Variants in ATRIP observed in about 807,000 individuals in gnomAD.
ATRIP encodes the protein ATR interacting protein.
A neutral mutation model predicts 78.1 loss-of-function variants in ATRIP; 44 were observed. That is an observed-to-expected ratio of 0.56 (90% CI 0.44 to 0.72). ATRIP has a LOEUF of 0.72. Ranked by LOEUF, ATRIP falls within the 30% of genes least tolerant of loss-of-function variation. The pLI, the probability that ATRIP is intolerant of heterozygous loss-of-function variation, is 0.00. For missense variants in ATRIP, 927 were observed against 980.2 expected (o/e 0.95, Z 0.72); for synonymous variants, 388 against 408.9 (o/e 0.95, Z 0.62).
rs2040298814 is a variant in ATRIP, at chr3:48,466,421, C to G, written c.*867C>G. 1.2e-6 allele frequency: 2 copies of G among 1,607,840 alleles called. No individual in the cohort carries two copies. Among genetic ancestry groups the G allele is most frequent in the Non-Finnish European group, 1.7e-6 (2 of 1,176,282 alleles). ...GCCGAGTCATGTGAAGAGGGAGACC[C>G]TCTCAGACAGTCGAATGTGCTGGTC... On this transcript the variant is annotated 3_prime_UTR_variant, in exon 13 of 13. Transcript: ENST00000320211.
In ATRIP at chr3:48,458,531, T is replaced by C. The variant is rs138316186; in HGVS notation, c.830-828T>C. The stretch of plus-strand genomic sequence containing the variant: ...AGAGACAGGTTTCACCATGTTGGCC[T>C]GGATGGTCTCAATCTCATGACCTCG... On this transcript the variant is annotated intron_variant, in intron 5 of 12. Coordinates refer to ENST00000320211, the MANE Select transcript of ATRIP (RefSeq NM_130384.3). Among the ~76,000 whole-genome samples the C allele has an allele frequency of 5.6e-3, 859 of 152,216 alleles. 6 individuals are homozygous for C. Among genetic ancestry groups the C allele is most frequent in the African/African-American group, 0.02 (819 of 41,544 alleles).
intron 12 of ATRIP, among the ~76,000 whole-genome samples, 168 bp from the exon 13 acceptor site, chr3:48,465,319 G>A (rs959512118): frequency 2.0e-5 from 3 of 152,224 alleles, no homozygotes; most frequent in African/African-American, 4.8e-5. Flanking sequence ...AGAAATAGCC[G>A]TGTCTGAATT....
chr3:48,460,291 C>A lies in ATRIP; in HGVS notation c.1237C>A (p.Leu413Ile). 1.2e-6 allele frequency: 2 copies of A among 1,614,098 alleles called. No individual in the cohort carries two copies. The highest frequency in any genetic ancestry group is 2.2e-5 in the East Asian group (1 of 44,882). ...CAGAAGGGCCTTCCCACTCTGCCAG[C>A]TTCCTGGAGCCGTGCATTTCCTCCC... ...GGRRAFPLCQ[L>I]PGAVHFLPLV... The change falls in exon 8 of 13, where the codon CTT becomes ATT. Residue 413 changes from leucine to isoleucine, a missense_variant. Leu to Ile is a conservative substitution (Grantham distance 5). Coordinates refer to ENST00000320211, the MANE Select transcript of ATRIP (RefSeq NM_130384.3).
At chr3:48,458,141 G>A (rs767363685) in intron 5 of ATRIP, among the ~76,000 whole-genome samples, 2 of 148,410 alleles carry the variant, frequency 1.3e-5, no homozygotes, top group East Asian at 2.0e-4. Flanking sequence ...GCAATGGCAC[G>A]ATCTCAGCTC....
chr3:48,460,042 G>T lies in ATRIP; in HGVS notation c.1056-68G>T, dbSNP rs959675827. The T allele has an allele frequency of 3.9e-6, 6 of 1,550,826 alleles. No individual in the cohort carries two copies. The Admixed American group carries it at 9.8e-5, about 25-fold the overall frequency. On this transcript the variant is annotated intron_variant, in intron 7 of 12. Coordinates refer to ENST00000320211, the MANE Select transcript of ATRIP (RefSeq NM_130384.3). Reference sequence around the variant, plus strand: ...GCAGCCTGGAGAATTTGGCAGGCAGGCTGTTTGGGGCTCTTGACCTTATCT... The same window carrying T: ...GCAGCCTGGAGAATTTGGCAGGCAGTCTGTTTGGGGCTCTTGACCTTATCT...
In ATRIP at chr3:48,467,059, A is replaced by G. The variant is rs772150991; in HGVS notation, c.*1505A>G. The G allele has an allele frequency of 1.9e-6, 3 of 1,613,828 alleles. No individual in the cohort carries two copies. The highest frequency in any genetic ancestry group is 2.5e-6 in the Non-Finnish European group (3 of 1,180,030). On this transcript the variant is annotated 3_prime_UTR_variant, in exon 13 of 13. Transcript: ENST00000320211. The stretch of plus-strand genomic sequence containing the variant: ...GACCGCTACGACTTCCCCCTGCTCC[A>G]AGCAGAGCTGGCTATGCTGGGCCTC...
Position 48,465,536 on chromosome 3 carries a change from C to T in ATRIP, c.2358C>T (p.Pro786=), listed in dbSNP as rs762674869. 30 of 1,613,582 alleles carry T rather than the reference C, an allele frequency of 1.9e-5. No individual in the cohort carries two copies. The Admixed American group carries it at 2.0e-4, about 11-fold the overall frequency. Residue 786 remains proline (P), a synonymous_variant, in exon 13 of 13, where the codon CCC becomes CCT. Transcript: ENST00000320211. ...LCAAETDVED[P]EVECG is the part of the protein sequence containing the mutation. Reference sequence around the variant, plus strand: ...CCGCGGAAACCGATGTGGAAGACCCCGAGGTGGAGTGTGGCTGAGGCCCTG... The same window carrying T: ...CCGCGGAAACCGATGTGGAAGACCCTGAGGTGGAGTGTGGCTGAGGCCCTG...
At position 48,466,616 on chromosome 3, in the gene ATRIP, A is replaced by C. The variant is rs559708203; in HGVS notation, c.*1062A>C. 37 of 1,607,838 alleles carry C rather than the reference A, an allele frequency of 2.3e-5. No homozygotes were observed. The South Asian group carries it at 3.7e-4, about 16-fold the overall frequency. ...CACTGGGCACTCACACACCCACCCC[A>C]TGCTCCTCTCCAGGCTCAGCAGCAG... On this transcript the variant is annotated 3_prime_UTR_variant, in exon 13 of 13. Transcript: ENST00000320211.
At chr3:48,459,536 C>T (rs1193555624) in intron 6 of ATRIP, 82 bp downstream of exon 6, 13 of 1,394,586 alleles carry the variant, frequency 9.3e-6, no homozygotes, top group African/African-American at 5.7e-5. Context: ...CTCTGAGAAC[C>T]GGTGCCCCGG....
At chr3:48,465,409 TGGG>T in intron 12 of ATRIP, 75 bp from the exon 13 acceptor site, 1 of 1,429,772 alleles carries the variant, frequency 7.0e-7, no homozygotes, top group Non-Finnish European at 9.8e-7. Context: ...CTGCGGACGT[TGGG>T]GGAGGAGAGG....
Position 48,454,355 on chromosome 3 carries a change from G to A in ATRIP, c.608G>A (p.Arg203Lys). 1 of 1,613,792 alleles carries A rather than the reference G, an allele frequency of 6.2e-7. No homozygotes were observed. Among genetic ancestry groups the A allele is most frequent in the Middle Eastern group, 1.7e-4 (1 of 6,060 alleles). Residue 203 changes from arginine (R) to lysine (K), a missense_variant, in exon 4 of 13, where the codon AGG becomes AAG. Transcript: ENST00000320211. ...QFKDAEMNEL[R>K]TKLQTSERAN... is the part of the protein sequence containing the mutation. ...AAAGATGCAGAGATGAATGAATTAAGGACAAAGCTCCAGACCAGTGAACGA... is the reference window on the plus strand; with the variant it reads ...AAAGATGCAGAGATGAATGAATTAAAGACAAAGCTCCAGACCAGTGAACGA...
chr3:48,463,197 C>T (rs2040167623), intron 8 of ATRIP, among the ~76,000 whole-genome samples: 1 of 152,160 alleles, frequency 6.6e-6, no homozygotes. Flanking sequence ...CCCCTGAGAC[C>T]TGGGGCAGTA....
rs982096880 is a variant in ATRIP at position 48,463,798 on chromosome 3, T to C, written c.1799T>C (p.Leu600Pro). The C allele has an allele frequency of 3.1e-6, 5 of 1,614,202 alleles. No individual in the cohort carries two copies. Among genetic ancestry groups the C allele is most frequent in the Non-Finnish European group, 4.2e-6 (5 of 1,180,022 alleles). ...LPKCLSPETP[L>P]PSVLLAVELL... ...AAGTGCCTCAGCCCAGAGACACCCC[T>C]GCCTAGCGTGCTGCTGGCTGTTGAG... Residue 600 changes from leucine to proline, a missense_variant, in exon 9 of 13, where the codon CTG becomes CCG. Transcript: ENST00000320211.
chr3:48,464,782 T>C lies in ATRIP; in HGVS notation c.2056-49T>C, dbSNP rs1320575629. On this transcript the variant is annotated intron_variant, in intron 11 of 12. Transcript: ENST00000320211. ...GGCTAGGCTGAGCGGATTGTTAGGG[T>C]GCAGGCCATGGTGGCACCAGGCCTC... 1.9e-6 allele frequency: 3 copies of C among 1,601,306 alleles called. No homozygotes were observed. The South Asian group carries it at 3.3e-5, about 18-fold the overall frequency.
rs769061052 is a variant in ATRIP at position 48,467,088 on chromosome 3, A to T, written c.*1534A>T. 8 of 1,613,946 alleles carry T rather than the reference A, an allele frequency of 5.0e-6. No individual in the cohort carries two copies. The highest frequency in any genetic ancestry group is 5.9e-6 in the Non-Finnish European group (7 of 1,180,026). ...AGAGCTGGCTATGCTGGGCCTCACC[A>T]GTGCTCTGGATGGTGCCTTCTGTGT... On this transcript the variant is annotated 3_prime_UTR_variant, in exon 13 of 13. Transcript: ENST00000320211.
In ATRIP at chr3:48,457,255, C is replaced by G. The variant is rs372709114; in HGVS notation, c.672-4C>G. On this transcript the variant is annotated splice_region_variant and splice_polypyrimidine_tract_variant and intron_variant, in intron 4 of 12. Transcript: ENST00000320211. ...ACTTTGCTTTCATAGTTAACTTTTT[C>G]CAGTCCTAGGAAAAACCCTTCTGTG... 3.9e-6 allele frequency: 6 copies of G among 1,541,080 alleles called. No individual in the cohort carries two copies. Among genetic ancestry groups the G allele is most frequent in the Non-Finnish European group, 5.2e-6 (6 of 1,146,164 alleles).
intron 7 of ATRIP, 33 bp from the exon 8 acceptor site, chr3:48,460,077 A>T (rs1156925074): frequency 6.3e-7 from 1 of 1,584,574 alleles, no homozygotes; most frequent in Non-Finnish European, 8.6e-7. Context: ...TCCATCCCAC[A>T]CTTAATCTAT....
intron 1 of ATRIP, 55 bp from the exon 2 acceptor site, chr3:48,449,982 G>C: frequency 6.5e-7 from 1 of 1,530,490 alleles, no homozygotes; most frequent in Non-Finnish European, 8.8e-7. Context: ...AGCATTTTCT[G>C]GCAAAAGTGG....
intron 6 of ATRIP, 133 bp from the exon 7 acceptor site, chr3:48,459,654 C>T (rs565316532): frequency 6.3e-4 from 809 of 1,286,108 alleles, no homozygotes; most frequent in Non-Finnish European, 8.1e-4. Context: ...TCCGCACCCA[C>T]AGGCATCTTC....
Sources: gnomAD v4.1 joint callset for allele counts (sites outside exome capture counted in the v4.1 genomes callset) on GRCh38, gnomAD v4.1.1 for gene constraint, MANE v1.5 for transcripts, NCBI Gene and HGNC (gene_info 2026-07-23, HGNC 2026-07-21) for gene names.